The following RARB variants were observed in gnomAD, a reference collection of about 807,000 sequenced individuals.
The protein encoded by RARB is retinoic acid receptor beta, also known as HBV-activated protein.
RARB carries 17 observed loss-of-function variants against 51.9 expected under a neutral mutation model. The ratio of observed to expected loss-of-function variants is 0.33; its 90% CI spans 0.22 to 0.49. The LOEUF is 0.49. Among genes scored for constraint, RARB ranks in the 20% least tolerant of loss-of-function variants. The pLI, the probability that RARB is intolerant of heterozygous loss-of-function variation, is 0.99. For synonymous variants in RARB, 215 were observed against 195.4 expected (o/e 1.10, Z -0.84); for missense variants, 369 against 550.8 (o/e 0.67, Z 3.30).
intron 3 of RARB, among the ~76,000 whole-genome samples, chr3:25,095,706 C>T (rs1335757247): frequency 6.6e-6 from 1 of 152,038 alleles, no homozygotes. Context: ...TGGAATCTTT[C>T]TGGGGGTGGC....
intron 5 of RARB, among the ~76,000 whole-genome samples, chr3:25,391,943 T>A (rs1189255310): frequency 2.0e-5 from 3 of 152,204 alleles, no homozygotes; most frequent in Non-Finnish European, 4.4e-5. Flanking sequence ...GCTTTTGAAT[T>A]CTTGGACATG....
At chr3:25,236,271 G>A (rs563590044) in intron 5 of RARB, among the ~76,000 whole-genome samples, 1 of 152,206 alleles carries the variant, frequency 6.6e-6, no homozygotes, top group African/African-American at 2.4e-5. Flanking sequence ...TGCATGTAGT[G>A]GATAATTGGG....
chr3:25,114,821 C>G (rs1441532258), intron 3 of RARB, among the ~76,000 whole-genome samples: 1 of 152,120 alleles, frequency 6.6e-6, no homozygotes, highest in East Asian at 1.9e-4. Context: ...CAGTGGAACA[C>G]TCTTTAAAAA....
At chr3:24,992,933 AATT>A in intron 2 of RARB, among the ~76,000 whole-genome samples, 1 of 152,308 alleles carries the variant, frequency 6.6e-6, no homozygotes, top group East Asian at 1.9e-4. Context: ...CTACTTTTTA[AATT>A]ATTCTTTTTG....
chr3:25,473,866 T>C (rs1224285885), intron 2 of RARB, among the ~76,000 whole-genome samples: 1 of 136,540 alleles, frequency 7.3e-6, no homozygotes, highest in Non-Finnish European at 1.5e-5. Context: ...AAAAGCAAGA[T>C]CTTCGGTGAC....
At chr3:25,244,404 A>C (rs1702505476) in intron 5 of RARB, among the ~76,000 whole-genome samples, 1 of 150,864 alleles carries the variant, frequency 6.6e-6, no homozygotes, top group Admixed American at 6.6e-5. Context: ...TTGTGATGTT[A>C]GGGTGTCAAT....
At chr3:24,864,446 G>C (rs1425786795) in intron 2 of RARB, among the ~76,000 whole-genome samples, 2 of 152,146 alleles carry the variant, frequency 1.3e-5, no homozygotes, top group Non-Finnish European at 2.9e-5. Flanking sequence ...GGGCAATGTT[G>C]TTTGCACATG....
At chr3:25,042,937 T>A (rs911338337) in intron 2 of RARB, among the ~76,000 whole-genome samples, 1 of 152,248 alleles carries the variant, frequency 6.6e-6, no homozygotes, top group African/African-American at 2.4e-5. Context: ...CAGGGTTTTG[T>A]GGCTCTGTAC....
chr3:25,246,940 T>C (rs947515247), intron 5 of RARB, among the ~76,000 whole-genome samples: 8 of 152,136 alleles, frequency 5.3e-5, no homozygotes, highest in Non-Finnish European at 1.0e-4. Flanking sequence ...TTCCCTCAGG[T>C]GCTCTGTCCC....
chr3:24,870,305 A>G (rs1421862308), intron 2 of RARB, among the ~76,000 whole-genome samples: 1 of 152,122 alleles, frequency 6.6e-6, no homozygotes, highest in South Asian at 2.1e-4. Context: ...CACATAATTC[A>G]TTTGGAATTG....
At chr3:25,427,969 T>C (rs1454232861), upstream of RARB, among the ~76,000 whole-genome samples, 2 of 152,218 alleles carry the variant, frequency 1.3e-5, no homozygotes, top group East Asian at 1.9e-4. Flanking sequence ...GGGAGAGAAG[T>C]TGGTGCTCAA....
At chr3:25,288,142 T>C (rs1703700918) in intron 5 of RARB, among the ~76,000 whole-genome samples, 1 of 152,094 alleles carries the variant, frequency 6.6e-6, no homozygotes, top group Non-Finnish European at 1.5e-5. Flanking sequence ...AAGCTGCAAA[T>C]ACTATAAAGA....
intron 2 of RARB, among the ~76,000 whole-genome samples, chr3:24,882,664 C>A: frequency 6.6e-6 from 1 of 152,120 alleles, no homozygotes; most frequent in Non-Finnish European, 1.5e-5. Flanking sequence ...GAGTTGCTTA[C>A]ATTTTTCATA....
intron 5 of RARB, among the ~76,000 whole-genome samples, chr3:25,311,746 A>G (rs1704294852): frequency 6.6e-6 from 1 of 152,146 alleles, no homozygotes; most frequent in Non-Finnish European, 1.5e-5. Context: ...TGATGGCTTT[A>G]TTTTGCCTTT....
intron 3 of RARB, among the ~76,000 whole-genome samples, chr3:25,079,218 A>C (rs985597118): frequency 2.0e-5 from 3 of 152,136 alleles, no homozygotes; most frequent in Non-Finnish European, 2.9e-5. Context: ...TTATTTTTGC[A>C]TATTAATTGT....
chr3:25,487,315 C>T (rs552409056), intron 2 of RARB, among the ~76,000 whole-genome samples: 151 of 152,304 alleles, frequency 9.9e-4, no homozygotes, highest in African/African-American at 3.3e-3. Flanking sequence ...TGTTCCTCAG[C>T]GTGCGATGTG....
intron 1 of RARB, among the ~76,000 whole-genome samples, chr3:24,834,562 T>C (rs1474106371): frequency 1.3e-5 from 2 of 152,298 alleles, no homozygotes; most frequent in East Asian, 3.9e-4. Context: ...ATAACCGGCA[T>C]CCTTGAGTTC....
intron 5 of RARB, among the ~76,000 whole-genome samples, chr3:25,331,684 C>T (rs1375377458): frequency 1.3e-5 from 2 of 152,050 alleles, no homozygotes; most frequent in East Asian, 1.9e-4. Context: ...CAGAGCAGAA[C>T]TGAAGGAGAT....
rs1156425812 is a variant in RARB at position 25,142,570 on chromosome 3, C to T, written c.-280+10362C>T. Among the ~76,000 whole-genome samples the T allele has an allele frequency of 2.7e-5, 4 of 147,512 alleles. No individual in the cohort carries two copies. The Admixed American group carries it at 2.8e-4, about 10-fold the overall frequency. On this transcript the variant is annotated intron_variant, in intron 4 of 11. Coordinates refer to the RARB transcript ENST00000383772. The stretch of plus-strand genomic sequence containing the variant: ...CTCCCACTAGCATTCTCTCCCAATG[C>T]AGGAAATCACTGCCTGTATTTTTTT...
Sources: allele counts gnomAD v4.1 joint callset (sites outside exome capture counted in the v4.1 genomes callset), GRCh38; gene constraint gnomAD v4.1.1; transcripts MANE v1.5; gene names NCBI Gene and HGNC (gene_info 2026-07-23, HGNC 2026-07-21).